The following SYNJ1 variants were observed in gnomAD, a reference collection of about 807,000 sequenced individuals.
SYNJ1 encodes the protein synaptojanin 1.
SYNJ1 carries 78 observed loss-of-function variants against 168.2 expected under a neutral mutation model. That is an observed-to-expected ratio of 0.46 (90% CI 0.39 to 0.56). The LOEUF (loss-of-function observed/expected upper bound fraction) is 0.56, where lower values mean the gene tolerates loss of function less well. Among genes scored for constraint, SYNJ1 ranks in the 20% least tolerant of loss-of-function variants. The probability of loss-of-function intolerance (pLI) is 0.00; values close to 1 mark genes in which losing one functional copy is unlikely to be tolerated. For synonymous variants in SYNJ1, 539 were observed against 548.6 expected (o/e 0.98, Z 0.24); for missense variants, 1,303 against 1,597.6 (o/e 0.82, Z 3.14).
chr21:32,688,087 G>T (rs781573227), intron 7 of SYNJ1, among the ~76,000 whole-genome samples: 2 of 151,804 alleles, frequency 1.3e-5, no homozygotes, highest in Non-Finnish European at 2.9e-5. Context: ...TGGACAATGC[G>T]CCCACAGAGG....
intron 23 of SYNJ1, 52 bp from the exon 24 acceptor site, chr21:32,646,654 G>T: frequency 1.4e-6 from 2 of 1,440,600 alleles, no homozygotes; most frequent in Non-Finnish European, 1.9e-6. Context: ...CTTGCTCAGA[G>T]ATTTTTTTCA....
chr21:32,646,990 CAG>C (rs1271998144), intron 23 of SYNJ1, among the ~76,000 whole-genome samples: 1 of 152,156 alleles, frequency 6.6e-6, no homozygotes, highest in African/African-American at 2.4e-5. Flanking sequence ...GGTCCAGCCT[CAG>C]AGTCAACAAG....
chr21:32,647,516 C>T (rs1261745459), intron 23 of SYNJ1, among the ~76,000 whole-genome samples: 1 of 152,220 alleles, frequency 6.6e-6, no homozygotes, highest in Non-Finnish European at 1.5e-5. Context: ...TTCACTCTGA[C>T]TTTGGCCTCC....
chr21:32,640,812 G>C (rs2039802797), intron 29 of SYNJ1, among the ~76,000 whole-genome samples: 1 of 152,194 alleles, frequency 6.6e-6, no homozygotes, highest in South Asian at 2.1e-4. Context: ...AGACTCATCA[G>C]TGAAAAATAT....
chr21:32,698,790 C>G (rs1255822795), intron 4 of SYNJ1, among the ~76,000 whole-genome samples: 1 of 152,182 alleles, frequency 6.6e-6, no homozygotes, highest in Non-Finnish European at 1.5e-5. Context: ...TCTTCACAAT[C>G]TGTTGCTCTT....
chr21:32,640,450 C>T (rs1400354847), intron 29 of SYNJ1, among the ~76,000 whole-genome samples: 5 of 151,862 alleles, frequency 3.3e-5, no homozygotes, highest in South Asian at 4.1e-4. Context: ...CGCCCGCCAC[C>T]ACACGCGGCT....
chr21:32,631,752 A>G lies in SYNJ1; in HGVS notation c.*53T>C, dbSNP rs1479235490. On this transcript the variant is annotated 3_prime_UTR_variant, in exon 33 of 33. Coordinates refer to ENST00000674351, the MANE Select transcript of SYNJ1 (RefSeq NM_203446.3). ...AAATGACAGATCTTCAAATGGGTCA[A>G]TCTTTAATGGTGATTCTCTTTTGCC... 6.2e-7 allele frequency: 1 copy of G among 1,614,046 alleles called. No individual in the cohort carries two copies. Among genetic ancestry groups the G allele is most frequent in the African/African-American group, 1.3e-5 (1 of 74,932 alleles).
At position 32,639,795 on chromosome 21, in the gene SYNJ1, A is replaced by G. The variant is rs369384628; in HGVS notation, c.3589-16T>C. The G allele has an allele frequency of 3.1e-6, 5 of 1,602,080 alleles. No individual in the cohort carries two copies. The highest frequency in any genetic ancestry group is 4.5e-5 in the East Asian group (2 of 44,794). ...GAGGAATCGTCTACAGATAGGAAAC[A>G]TAACACTTGAGACATTTACTTACCT... On this transcript the variant is annotated splice_polypyrimidine_tract_variant and intron_variant, in intron 29 of 32. Coordinates refer to ENST00000674351, the MANE Select transcript of SYNJ1 (RefSeq NM_203446.3).
chr21:32,680,876 C>G (rs1262592460), intron 11 of SYNJ1, among the ~76,000 whole-genome samples: 2 of 152,174 alleles, frequency 1.3e-5, no homozygotes, highest in Non-Finnish European at 2.9e-5. Context: ...CTCAGCCTCC[C>G]AAAGTGCTGG....
At chr21:32,701,116 C>T (rs2042384303) in intron 3 of SYNJ1, among the ~76,000 whole-genome samples, 2 of 152,112 alleles carry the variant, frequency 1.3e-5, no homozygotes, top group African/African-American at 4.8e-5. Context: ...GAGATTAAAG[C>T]AAATACCTCA....
intron 21 of SYNJ1, chr21:32,653,592 A>G (rs2040354165): frequency 2.2e-6 from 1 of 455,776 alleles, no homozygotes; most frequent in South Asian, 2.4e-5. Flanking sequence ...GCCACAAGAA[A>G]TGAGTCTGTG....
At chr21:32,692,794 G>T (rs2042072292) in intron 6 of SYNJ1, among the ~76,000 whole-genome samples, 1 of 152,112 alleles carries the variant, frequency 6.6e-6, no homozygotes, top group East Asian at 1.9e-4. Context: ...GCTCAGGCCT[G>T]TAATCCTAGC....
chr21:32,700,682 C>A (rs138912345), intron 3 of SYNJ1, among the ~76,000 whole-genome samples: 1,907 of 152,096 alleles, frequency 0.013, 46 homozygotes, highest in African/African-American at 0.043. Context: ...AACAAACAAA[C>A]AAGAAAAAAA....
chr21:32,710,502 A>G (rs1311525801), intron 2 of SYNJ1, among the ~76,000 whole-genome samples: 1 of 152,136 alleles, frequency 6.6e-6, no homozygotes, highest in Non-Finnish European at 1.5e-5. Flanking sequence ...GGAGTGCATT[A>G]GCCAAAAGTT....
chr21:32,686,355 T>G (rs1045563015), intron 8 of SYNJ1, among the ~76,000 whole-genome samples: 3 of 152,190 alleles, frequency 2.0e-5, no homozygotes, highest in Non-Finnish European at 4.4e-5. Flanking sequence ...ATCAGGATGC[T>G]TTTGGACTTA....
At position 32,631,082 on chromosome 21, in the gene SYNJ1, CAG is replaced by C. The variant is rs1236484854; in HGVS notation, c.*721_*722del. The C allele has an allele frequency of 3.3e-5, 54 of 1,614,014 alleles. No homozygotes were observed. Among genetic ancestry groups the C allele is most frequent in the African/African-American group, 4.0e-5 (3 of 74,912 alleles). On this transcript the variant is annotated 3_prime_UTR_variant, in exon 33 of 33. Coordinates refer to ENST00000674351, the MANE Select transcript of SYNJ1 (RefSeq NM_203446.3). ...CTGGAGGGCTGGTGCCGGGCGGGAGCAGAGGGACAGGAGGTGGAGGAGGTCTT... is the reference window on the plus strand; with the variant it reads ...CTGGAGGGCTGGTGCCGGGCGGGAGCAGGGACAGGAGGTGGAGGAGGTCTT...
chr21:32,696,143 C>T (rs895587648), intron 4 of SYNJ1, among the ~76,000 whole-genome samples: 2 of 152,126 alleles, frequency 1.3e-5, no homozygotes, highest in East Asian at 1.9e-4. Context: ...TGAGCCACCG[C>T]GCCCGCCCAT....
chr21:32,718,339 A>G (rs989639365), intron 2 of SYNJ1, among the ~76,000 whole-genome samples: 1 of 152,210 alleles, frequency 6.6e-6, no homozygotes, highest in Non-Finnish European at 1.5e-5. Flanking sequence ...AACCCAGAAT[A>G]AAAAAGTTTG....
intron 2 of SYNJ1, among the ~76,000 whole-genome samples, chr21:32,709,789 A>G (rs2042761715): frequency 6.6e-6 from 1 of 151,656 alleles, no homozygotes; most frequent in Non-Finnish European, 1.5e-5. Context: ...AAGTGCTGGG[A>G]TTATAGGCGT....
Sources: gnomAD v4.1 joint callset for allele counts (sites outside exome capture counted in the v4.1 genomes callset) on GRCh38, gnomAD v4.1.1 for gene constraint, MANE v1.5 for transcripts, NCBI Gene and HGNC (gene_info 2026-07-23, HGNC 2026-07-21) for gene names.